Variants in PTPRD observed in about 807,000 individuals in gnomAD.
PTPRD encodes the protein protein tyrosine phosphatase receptor type D, also known as receptor-type tyrosine-protein phosphatase delta.
In PTPRD, 34 loss-of-function variants were observed where a neutral mutation model predicts 214.5. That is an observed-to-expected ratio of 0.16 (90% confidence interval 0.12 to 0.21). The LOEUF is 0.21. PTPRD is among the 10% of genes least tolerant of loss of function. The pLI is 1.00. For synonymous variants in PTPRD, 1,128 were observed against 845.7 expected, an observed-to-expected ratio of 1.33 and a Z score of -5.79; for missense variants, 2,545 against 2,398.7, an observed-to-expected ratio of 1.06 and a Z score of -1.27.
At chr9:9,996,819 T>G (rs2096137222) in intron 4 of PTPRD, among the ~76,000 whole-genome samples, 1 of 152,052 alleles carries the variant, frequency 6.6e-6, no homozygotes, top group Admixed American at 6.6e-5. Flanking sequence ...AAAATAATAT[T>G]AAGAAGAACA....
chr9:9,706,863 G>A (rs570612905), intron 7 of PTPRD, among the ~76,000 whole-genome samples: 1 of 152,214 alleles, frequency 6.6e-6, no homozygotes, highest in East Asian at 1.9e-4. Context: ...TAGTGCTGCT[G>A]GAGGACATGT....
At chr9:9,859,468 G>A (rs952283320) in intron 5 of PTPRD, among the ~76,000 whole-genome samples, 1 of 152,048 alleles carries the variant, frequency 6.6e-6, no homozygotes, top group Non-Finnish European at 1.5e-5. Flanking sequence ...AAGAAAACAT[G>A]CTATATGTTA....
At chr9:10,520,208 A>G (rs779104662) in intron 2 of PTPRD, among the ~76,000 whole-genome samples, 1 of 152,170 alleles carries the variant, frequency 6.6e-6, no homozygotes, top group Non-Finnish European at 1.5e-5. Flanking sequence ...CAAAAGTGCT[A>G]CTCCAGTGAA....
chr9:9,908,279 G>C lies in PTPRD; in HGVS notation c.-368+30228C>G, dbSNP rs575899926. On this transcript the variant is annotated intron_variant, in intron 5 of 45. Transcript: ENST00000381196. ...GCTGGCAGTGATTGCTGTATCATCT[G>C]AGAGTTCTTCCACACTAATAGTATC... Among the ~76,000 whole-genome samples, 18 of 152,106 alleles carry C rather than the reference G, an allele frequency of 1.2e-4. No homozygotes were observed. In the South Asian group the frequency reaches 3.7e-3, roughly 32 times the overall value.
At chr9:9,912,561 C>A (rs2079500571) in intron 5 of PTPRD, among the ~76,000 whole-genome samples, 1 of 152,184 alleles carries the variant, frequency 6.6e-6, no homozygotes, top group Non-Finnish European at 1.5e-5. Flanking sequence ...GGTAATGAAG[C>A]TCCCCTGAGA....
At chr9:10,132,480 C>T (rs1298428103) in intron 3 of PTPRD, among the ~76,000 whole-genome samples, 1 of 151,812 alleles carries the variant, frequency 6.6e-6, no homozygotes, top group Non-Finnish European at 1.5e-5. Context: ...TCCAAATATA[C>T]TGAAATGGGA....
chr9:9,304,393 T>C (rs1254954728), intron 9 of PTPRD, among the ~76,000 whole-genome samples: 1 of 152,122 alleles, frequency 6.6e-6, no homozygotes, highest in African/African-American at 2.4e-5. Flanking sequence ...CATTTGGATG[T>C]TTCCTTAGAG....
At chr9:9,350,049 G>T (rs1028372856) in intron 9 of PTPRD, among the ~76,000 whole-genome samples, 7 of 152,004 alleles carry the variant, frequency 4.6e-5, no homozygotes, top group Non-Finnish European at 1.0e-4. Context: ...GCTTGAAGAG[G>T]TAGGAACGGA....
chr9:8,751,822 G>A (rs1470180250), intron 11 of PTPRD, among the ~76,000 whole-genome samples: 8 of 152,136 alleles, frequency 5.3e-5, no homozygotes, highest in African/African-American at 1.9e-4. Flanking sequence ...TCTTAAAAAT[G>A]CATTATAAAA....
At chr9:10,278,957 G>A (rs1020242203) in intron 3 of PTPRD, among the ~76,000 whole-genome samples, 6 of 152,006 alleles carry the variant, frequency 3.9e-5, no homozygotes, top group East Asian at 1.9e-4. Flanking sequence ...TGTATTTTTA[G>A]TAGAGACGGG....
intron 10 of PTPRD, among the ~76,000 whole-genome samples, chr9:9,062,518 CTCTA>C (rs1349018844): frequency 9.9e-5 from 15 of 151,934 alleles, no homozygotes; most frequent in African/African-American, 2.4e-4. Context: ...ATTATCTTTT[CTCTA>C]TCTATCTTTT....
rs894034470 is a variant in PTPRD, at chr9:8,726,032, C to G, written c.64+7748G>C. 1.1e-3 allele frequency among the ~76,000 whole-genome samples: 153 copies of G among 141,408 alleles called. 1 individual carries two copies. The highest frequency in any genetic ancestry group is 1.2e-3 in the East Asian group (6 of 5,012). 92.8% of individuals were successfully genotyped at this position (141,408 alleles called of 152,430 possible). On this transcript the variant is annotated intron_variant, in intron 12 of 45. Transcript: ENST00000381196. The stretch of plus-strand genomic sequence containing the variant: ...GCAGACAGACAGACAGACAGACACA[C>G]ACACACACACACACACACACACACA...
At chr9:9,293,225 A>T (rs536743645) in intron 9 of PTPRD, among the ~76,000 whole-genome samples, 1 of 151,618 alleles carries the variant, frequency 6.6e-6, no homozygotes, top group African/African-American at 2.4e-5. Context: ...TTACCTATTT[A>T]ATCATTAACA....
rs557219667 is a variant in PTPRD at position 8,414,099 on chromosome 9, A to C, written c.4087-9439T>G. ...CATTACAGGTAGGATACACAGCAAC[A>C]ATTACTTTTACCCTAGTACCTTAGA... On this transcript the variant is annotated intron_variant, in intron 35 of 45. Coordinates refer to ENST00000381196, the MANE Select transcript of PTPRD (RefSeq NM_002839.4). Among the ~76,000 whole-genome samples, 7 of 152,308 alleles carry C rather than the reference A, an allele frequency of 4.6e-5. No individual in the cohort carries two copies. In the East Asian group the frequency reaches 1.4e-3, roughly 29 times the overall value.
intron 3 of PTPRD, among the ~76,000 whole-genome samples, chr9:10,277,090 T>A (rs182421754): frequency 1.1e-4 from 16 of 152,176 alleles, no homozygotes; most frequent in African/African-American, 3.6e-4. Flanking sequence ...ATTCATCATG[T>A]TTATAGCCTA....
chr9:9,349,312 C>T (rs530977552), intron 9 of PTPRD, among the ~76,000 whole-genome samples: 199 of 152,186 alleles, frequency 1.3e-3, no homozygotes, highest in African/African-American at 4.3e-3. Context: ...TCTACCACTA[C>T]TTTGGGAAAG....
chr9:8,981,752 A>T (rs2099313883), intron 11 of PTPRD, among the ~76,000 whole-genome samples: 1 of 152,016 alleles, frequency 6.6e-6, no homozygotes, highest in African/African-American at 2.4e-5. Context: ...AATATATGTG[A>T]CTATACATAA....
chr9:9,141,680 T>A (rs1325365595), intron 10 of PTPRD, among the ~76,000 whole-genome samples: 9 of 150,960 alleles, frequency 6.0e-5, no homozygotes, highest in Admixed American at 5.9e-4. Flanking sequence ...AAATCTGATA[T>A]AAATATAGAT....
intron 11 of PTPRD, among the ~76,000 whole-genome samples, chr9:8,988,869 T>C (rs1032763838): frequency 3.3e-5 from 5 of 152,108 alleles, no homozygotes; most frequent in African/African-American, 1.2e-4. Flanking sequence ...AGAGAAGTAA[T>C]GTCAGTCCTT....
Sources: allele counts gnomAD v4.1 joint callset (sites outside exome capture counted in the v4.1 genomes callset), GRCh38; gene constraint gnomAD v4.1.1; transcripts MANE v1.5; gene names NCBI Gene and HGNC (gene_info 2026-07-23, HGNC 2026-07-21).